The following BEST3 variants were observed in gnomAD, a reference collection of about 807,000 sequenced individuals.
BEST3 encodes bestrophin 3, also known as bestrophin-3.
Under a neutral mutation model 47.1 loss-of-function variants are expected in BEST3, and 50 were observed. The ratio of observed to expected loss-of-function variants is 1.06; its 90% CI spans 0.85 to 1.34. The LOEUF (loss-of-function observed/expected upper bound fraction) is 1.34. Among genes scored for constraint, BEST3 ranks in the 40% most tolerant of loss-of-function variants. The probability of loss-of-function intolerance (pLI) is 0.00; values close to 1 mark genes in which losing one functional copy is unlikely to be tolerated. For missense variants in BEST3, 765 were observed against 817.0 expected (o/e 0.94, Z 0.78); for synonymous variants, 282 against 298.8 (o/e 0.94, Z 0.58).
At chr12:69,678,596 G>C (rs1885060710) in intron 5 of BEST3, 143 bp downstream of exon 5, 1 of 729,946 alleles carries the variant, frequency 1.4e-6, no homozygotes, top group African/African-American at 1.8e-5. Context: ...TGCATGTTGA[G>C]AGGTCTGACA....
downstream of BEST3, among the ~76,000 whole-genome samples, chr12:69,652,485 A>G (rs1392829432): frequency 1.3e-5 from 2 of 152,246 alleles, no homozygotes; most frequent in East Asian, 1.9e-4. Context: ...GTTTGATTTT[A>G]TAGCTGAATT....
chr12:69,643,882 A>G, intron 9 of BEST3: 2 of 552,666 alleles, frequency 3.6e-6, no homozygotes, highest in Non-Finnish European at 6.6e-6. Context: ...TTGAATTCAC[A>G]TAGGCCACCA....
intron 7 of BEST3, 130 bp downstream of exon 7, chr12:69,676,786 C>T: frequency 2.0e-6 from 2 of 1,006,248 alleles, no homozygotes; most frequent in Non-Finnish European, 1.5e-6. Flanking sequence ...AATAACATTG[C>T]TGAGCCATTA....
chr12:69,643,713 G>T, exon 10 of BEST3: 2 of 715,482 alleles, frequency 2.8e-6, no homozygotes, highest in South Asian at 3.0e-5. Context: ...ATCACTCTTA[G>T]CACACTGGAA....
intron 4 of BEST3, among the ~76,000 whole-genome samples, chr12:69,692,474 G>T (rs933414645): frequency 6.6e-6 from 1 of 152,126 alleles, no homozygotes; most frequent in Non-Finnish European, 1.5e-5. Flanking sequence ...AGAGACAAGA[G>T]GTCCATACTA....
rs182132172 is a variant in BEST3 at position 69,695,649 on chromosome 12, C to T, written c.153-1185G>A. The stretch of plus-strand genomic sequence containing the variant: ...GGATTTAAATGTGGAAAGCATGGAC[C>T]TTTTTTAAGGTCAGACAAAGCCAGA... On this transcript the variant is annotated intron_variant, in intron 2 of 9. Transcript: ENST00000330891. 8.2e-3 allele frequency among the ~76,000 whole-genome samples: 1,245 copies of T among 152,150 alleles called. 63 individuals carry two copies. Among genetic ancestry groups the T allele is most frequent in the Admixed American group, 0.074 (1,125 of 15,276 alleles).
chr12:69,680,308 A>AACT (rs1555207041), intron 4 of BEST3, among the ~76,000 whole-genome samples: 2 of 3,284 alleles, frequency 6.1e-4, no homozygotes, highest in Non-Finnish European at 2.0e-3. Flanking sequence ...TTTACACTTG[A>AACT]TCTTTTTTTT....
At chr12:69,679,784 C>T (rs1207047575) in intron 4 of BEST3, among the ~76,000 whole-genome samples, 1 of 152,184 alleles carries the variant, frequency 6.6e-6, no homozygotes. Context: ...TCGCTTGAAC[C>T]CAGGAAGCGG....
Position 69,655,637 on chromosome 12 carries a change from C to T in BEST3, c.1277G>A (p.Arg426Gln), listed in dbSNP as rs756507092. 18 of 1,613,820 alleles carry T rather than the reference C, an allele frequency of 1.1e-5. No individual in the cohort carries two copies. The highest frequency in any genetic ancestry group is 6.7e-5 in the African/African-American group (5 of 74,876). The change falls in exon 10 of 10, where the codon CGA becomes CAA. Residue 426 changes from arginine to glutamine, a missense_variant. Transcript: ENST00000330891. ...QTSDSSMFLP[R>Q]DDLSPARDLL... The stretch of plus-strand genomic sequence containing the variant: ...GTCCCTGGCTGGGCTGAGGTCATCT[C>T]GGGGTAAGAACATGGAGCTGTCACT...
intron 7 of BEST3, among the ~76,000 whole-genome samples, chr12:69,675,739 T>G (rs573863499): frequency 1.3e-5 from 2 of 152,246 alleles, no homozygotes; most frequent in Non-Finnish European, 2.9e-5. Flanking sequence ...AAAAATTCTT[T>G]TGCCATTTGT....
chr12:69,643,856 C>T (rs1286409154), intron 9 of BEST3: 16 of 596,878 alleles, frequency 2.7e-5, no homozygotes, highest in African/African-American at 1.9e-4. Context: ...CTCTTTTCTT[C>T]GCCAAACTCA....
intron 4 of BEST3, chr12:69,683,865 G>A (rs1163562293): frequency 6.6e-6 from 1 of 152,178 alleles, no homozygotes; most frequent in Non-Finnish European, 1.5e-5. Flanking sequence ...GGAAATCAAA[G>A]TCGGTCAACT....
chr12:69,671,297 C>G, intron 9 of BEST3, 131 bp downstream of exon 9: 12 of 920,924 alleles, frequency 1.3e-5, no homozygotes, highest in Non-Finnish European at 1.5e-5. Context: ...CCCCAAGTAG[C>G]TAGGACTACA....
chr12:69,651,710 G>A (rs1448140171), downstream of BEST3, among the ~76,000 whole-genome samples: 1 of 151,362 alleles, frequency 6.6e-6, no homozygotes, highest in Non-Finnish European at 1.5e-5. Flanking sequence ...AGGAGGTGGA[G>A]GTTGCAGTGA....
chr12:69,677,019 C>T lies in BEST3; in HGVS notation c.764G>A (p.Arg255His), dbSNP rs368490759. 35 of 1,614,114 alleles carry T rather than the reference C, an allele frequency of 2.2e-5. No individual in the cohort carries two copies. The highest frequency in any genetic ancestry group is 2.7e-5 in the Non-Finnish European group (32 of 1,180,018). The change falls in exon 7 of 10, where the codon CGC becomes CAC. Residue 255 changes from arginine to histidine, a missense_variant. Arg to His is a conservative substitution (Grantham distance 29, BLOSUM62 0). Transcript: ENST00000330891. ...GCCTTTGGTGGGATCCAAAAACTGG[C>T]GTCCAATCAGGCACGCAAAGAAGAA... ...YTFFFACLIG[R>H]QFLDPTKGYA...
intron 4 of BEST3, among the ~76,000 whole-genome samples, chr12:69,689,447 T>C (rs1326839933): frequency 1.3e-5 from 2 of 152,142 alleles, no homozygotes; most frequent in Non-Finnish European, 2.9e-5. Context: ...TAGTATGGTC[T>C]TATACTGAAT....
At chr12:69,647,854 C>G (rs373768904) in intron 9 of BEST3, among the ~76,000 whole-genome samples, 4 of 152,006 alleles carry the variant, frequency 2.6e-5, no homozygotes, top group African/African-American at 9.7e-5. Flanking sequence ...CTGAAACCAA[C>G]AAGGGTCTAT....
At position 69,694,204 on chromosome 12, in the gene BEST3, G is replaced by T. The variant is rs564283087; in HGVS notation, c.247+166C>A. ...CTCAAACTTGTTTGGTGTTAATTTCGCAAAAGCAGCCGTGAAGGCAAACCT... is the reference window on the plus strand; with the variant it reads ...CTCAAACTTGTTTGGTGTTAATTTCTCAAAAGCAGCCGTGAAGGCAAACCT... On this transcript the variant is annotated intron_variant, in intron 3 of 9. Coordinates refer to ENST00000330891, the MANE Select transcript of BEST3 (RefSeq NM_032735.3). 3.4e-6 allele frequency: 2 copies of T among 582,916 alleles called. 1 individual carries two copies. The highest frequency in any genetic ancestry group is 6.1e-6 in the Non-Finnish European group (2 of 330,112). The allele number at this position is 582,916 out of a possible 1,614,324, so 36.1% of individuals were successfully genotyped here.
chr12:69,681,114 A>G (rs1195670358), intron 4 of BEST3, among the ~76,000 whole-genome samples: 1 of 152,130 alleles, frequency 6.6e-6, no homozygotes, highest in African/African-American at 2.4e-5. Flanking sequence ...ATGATTTAAT[A>G]TAAATAGTGT....
Sources: allele counts gnomAD v4.1 joint callset (sites outside exome capture counted in the v4.1 genomes callset), GRCh38; gene constraint gnomAD v4.1.1; transcripts MANE v1.5; gene names NCBI Gene and HGNC (gene_info 2026-07-23, HGNC 2026-07-21).